ENO3: variants seen among roughly 807,000 people sequenced by gnomAD.
ENO3 encodes beta-enolase.
A neutral mutation model predicts 47.7 loss-of-function variants in ENO3; 46 were observed. The ratio of observed to expected loss-of-function variants is 0.96; its 90% CI spans 0.76 to 1.23. The LOEUF (loss-of-function observed/expected upper bound fraction) is 1.23, where lower values mean the gene tolerates loss of function less well. ENO3 is among the 50% of genes most tolerant of loss of function. The pLI, the probability that ENO3 is intolerant of heterozygous loss-of-function variation, is 0.00. For missense variants in ENO3, 575 were observed against 566.2 expected, an observed-to-expected ratio of 1.02 and a Z score of -0.16; for synonymous variants, 223 against 225.9, an observed-to-expected ratio of 0.99 and a Z score of 0.11.
In ENO3 at chr17:4,955,296, G is replaced by A. The variant is rs1971686753; in HGVS notation, c.666G>A (p.Glu222=). 1 of 1,614,154 alleles carries A rather than the reference G, an allele frequency of 6.2e-7. No individual in the cohort carries two copies. The highest frequency in any genetic ancestry group is 1.3e-5 in the African/African-American group (1 of 74,954). ...GFAPNILENN[E]ALELLKTAIQ... ...CACCCAACATCCTGGAGAACAATGA[G>A]GGTCAGTGCTGAGCACCCTGGGGGG... The change falls in exon 7 of 12, where the codon GAG becomes GAA. Residue 222 remains glutamate (E), a splice_region_variant and synonymous_variant. Transcript: ENST00000519602.
rs548155232 is a variant in ENO3, at chr17:4,956,148, G to C, written c.1067+5G>C. 6.2e-7 allele frequency: 1 copy of C among 1,613,618 alleles called. No individual in the cohort carries two copies. The highest frequency in any genetic ancestry group is 8.5e-7 in the Non-Finnish European group (1 of 1,179,868). On this transcript the variant is annotated splice_donor_5th_base_variant and intron_variant, in intron 9 of 11. Coordinates refer to ENST00000519602, the MANE Select transcript of ENO3 (RefSeq NM_053013.4). ...GGTGACCGAATCGATCCAGGCGTGA[G>C]TGCCTCCTGACCCTGAGGCTCACCA...
chr17:4,949,973 A>G (rs1260786870), upstream of ENO3, among the ~76,000 whole-genome samples: 1 of 147,454 alleles, frequency 6.8e-6, no homozygotes, highest in African/African-American at 2.5e-5. Flanking sequence ...TCCCGGGAGG[A>G]GCGGCCTGAG....
chr17:4,953,173 G>A, intron 4 of ENO3, 64 bp downstream of exon 4: 1 of 1,613,140 alleles, frequency 6.2e-7, no homozygotes, highest in Non-Finnish European at 8.5e-7. Flanking sequence ...AGCCCAGACA[G>A]GCCTCTCCCG....
At chr17:4,955,002 A>C in intron 6 of ENO3, 73 bp from the exon 7 acceptor site, 2 of 1,423,362 alleles carry the variant, frequency 1.4e-6, no homozygotes, top group Non-Finnish European at 9.6e-7. Context: ...TTCCACCCCA[A>C]CACCCCCCGC....
rs750547165 is a variant in ENO3, at chr17:4,956,684, A to G, written c.1176+3A>G. 2.5e-5 allele frequency: 40 copies of G among 1,614,162 alleles called. No individual in the cohort carries two copies. The highest frequency in any genetic ancestry group is 1.1e-4 in the East Asian group (5 of 44,882). On this transcript the variant is annotated splice_donor_region_variant and intron_variant, in intron 10 of 11. Coordinates refer to ENST00000519602, the MANE Select transcript of ENO3 (RefSeq NM_053013.4). ...TGGTGGGGCTCTGCACAGGACAGGTACTTGTAGCTTCTCTCTACTGAGTGT... is the reference window on the plus strand; with the variant it reads ...TGGTGGGGCTCTGCACAGGACAGGTGCTTGTAGCTTCTCTCTACTGAGTGT...
upstream of ENO3, chr17:4,948,818 G>A (rs1009628407): frequency 5.9e-6 from 1 of 168,070 alleles, no homozygotes; most frequent in African/African-American, 2.4e-5. Context: ...TTGGTATCGG[G>A]GCAGGGAGTG....
intron 2 of ENO3, chr17:4,952,242 T>C (rs1467125260): frequency 5.1e-6 from 2 of 394,768 alleles, no homozygotes; most frequent in Non-Finnish European, 9.7e-6. Context: ...AGTGGTGCAA[T>C]CTCAGCTCAC....
At position 4,956,981 on chromosome 17, in the gene ENO3, C is replaced by T. The variant is rs374962764; in HGVS notation, c.1239C>T (p.Ile413=). 1.5e-5 allele frequency: 25 copies of T among 1,614,060 alleles called. No homozygotes were observed. The highest frequency in any genetic ancestry group is 6.6e-5 in the South Asian group (6 of 91,088). Residue 413 remains isoleucine (I), a synonymous_variant, in exon 12 of 12, where the codon ATC becomes ATT. Transcript: ENST00000519602. ...RLAKYNQLMR[I]EEALGDKAIF... ...CCTAACCTTGCCTGCATTCTAGGATCGAGGAGGCTCTTGGGGACAAGGCAA... is the reference window on the plus strand; with the variant it reads ...CCTAACCTTGCCTGCATTCTAGGATTGAGGAGGCTCTTGGGGACAAGGCAA...
chr17:4,952,545 G>T (rs563896406), intron 2 of ENO3, among the ~76,000 whole-genome samples: 1 of 152,014 alleles, frequency 6.6e-6, no homozygotes, highest in African/African-American at 2.4e-5. Flanking sequence ...GGATTGTCTC[G>T]ATCTCCTGAT....
At chr17:4,954,861 C>T (rs539846713) in intron 6 of ENO3, among the ~76,000 whole-genome samples, 9 of 148,382 alleles carry the variant, frequency 6.1e-5, no homozygotes, top group Non-Finnish European at 7.4e-5. Flanking sequence ...TGCGCCATTG[C>T]ACTCCAGCCT....
At chr17:4,956,202 C>G (rs1971728083) in intron 9 of ENO3, 59 bp downstream of exon 9, 1 of 1,586,096 alleles carries the variant, frequency 6.3e-7, no homozygotes, top group Non-Finnish European at 8.6e-7. Flanking sequence ...GCTCTGCCCA[C>G]TCCAGCTACA....
At chr17:4,949,669 C>G (rs1342769550), upstream of ENO3, among the ~76,000 whole-genome samples, 2 of 152,116 alleles carry the variant, frequency 1.3e-5, no homozygotes, top group Non-Finnish European at 2.9e-5. Flanking sequence ...TCCTCCGACC[C>G]GCCGCCGAGG....
rs372561412 is a variant in ENO3 at position 4,952,927 on chromosome 17, C to T, written c.181+37C>T. 5.4e-4 allele frequency: 868 copies of T among 1,609,756 alleles called. 7 individuals are homozygous for T. In the South Asian group the frequency reaches 8.7e-3, roughly 16 times the overall value. On this transcript the variant is annotated intron_variant, in intron 3 of 11. Transcript: ENST00000519602. ...CCAGCGCAGAAGGAGCCTGTGTGGG[C>T]GGCTTTAGGACATGGGTGCACAATG...
Position 4,955,083 on chromosome 17 carries a change from T to C in ENO3, c.453T>C (p.Asn151=), listed in dbSNP as rs751295022. The C allele has an allele frequency of 6.9e-6, 11 of 1,587,802 alleles. No homozygotes were observed. Among genetic ancestry groups the C allele is most frequent in the Non-Finnish European group, 7.7e-6 (9 of 1,163,596 alleles). The part of the protein sequence containing the change: ...PDLILPVPAF[N]VINGGSHAGN... ...CCCTCTCCCCATCTCAGGCCTTCAA[T>C]GTGATCAACGGGGGCTCCCATGCTG... The change falls in exon 7 of 12, where the codon AAT becomes AAC. Residue 151 remains asparagine, a synonymous_variant. Transcript: ENST00000519602.
chr17:4,951,825 C>A lies in ENO3; in HGVS notation c.-2-3C>A. ...ACACTCACTCACACCTCCTGTCCTG[C>A]AGCCATGGCCATGCAGAAAATCTTT... On this transcript the variant is annotated splice_polypyrimidine_tract_variant and splice_region_variant and intron_variant, in intron 1 of 11. Transcript: ENST00000519602. 1 of 1,614,096 alleles carries A rather than the reference C, an allele frequency of 6.2e-7. No homozygotes were observed. Among genetic ancestry groups the A allele is most frequent in the African/African-American group, 1.3e-5 (1 of 75,052 alleles).
chr17:4,955,870 G>GCC (rs1971712504), intron 8 of ENO3, 72 bp from the exon 9 acceptor site: 4 of 306,284 alleles, frequency 1.3e-5, no homozygotes, highest in Non-Finnish European at 2.1e-5. Flanking sequence ...CCCTGTCTCT[G>GCC]CTCTGTCTCT....
At position 4,955,615 on chromosome 17, in the gene ENO3, C is replaced by A; in HGVS notation, c.865+11C>A. 1 of 1,614,142 alleles carries A rather than the reference C, an allele frequency of 6.2e-7. No homozygotes were observed. Among genetic ancestry groups the A allele is most frequent in the Non-Finnish European group, 8.5e-7 (1 of 1,180,000 alleles). ...TCAAGAACTATCCTGGTGAGGCGTT[C>A]GGGTGTCCCAGTGTTCCTGCCCGAA... On this transcript the variant is annotated intron_variant, in intron 8 of 11. Transcript: ENST00000519602.
chr17:4,954,576 A>G (rs141702083), intron 6 of ENO3, among the ~76,000 whole-genome samples: 175 of 152,374 alleles, frequency 1.1e-3, no homozygotes, highest in African/African-American at 4.0e-3. Context: ...AATTTTCAGC[A>G]AAAGATCCTA....
At chr17:4,950,965 A>T, upstream of ENO3, 1 of 923,498 alleles carries the variant, frequency 1.1e-6, no homozygotes, top group Non-Finnish European at 1.3e-6. Context: ...GTAAGGGGGC[A>T]GGTGCCCAGG....
Sources: gnomAD v4.1 joint callset for allele counts (sites outside exome capture counted in the v4.1 genomes callset) on GRCh38, gnomAD v4.1.1 for gene constraint, MANE v1.5 for transcripts, NCBI Gene and HGNC (gene_info 2026-07-23, HGNC 2026-07-21) for gene names.